The following TEX14 variants were observed in gnomAD, a reference collection of about 807,000 sequenced individuals.
The protein encoded by TEX14 is inactive serine/threonine-protein kinase TEX14.
TEX14 carries 168 observed loss-of-function variants against 178.6 expected under a neutral mutation model. The observed-to-expected ratio is 0.94, with a 90% CI of 0.83 to 1.07. The LOEUF (loss-of-function observed/expected upper bound fraction) is 1.07, where lower values mean the gene tolerates loss of function less well. Among genes scored for constraint, TEX14 ranks in the 50% least tolerant of loss-of-function variants. TEX14 has a pLI of 0.00. For missense variants in TEX14, 1,730 were observed against 1,753.6 expected (o/e 0.99, Z 0.24); for synonymous variants, 626 against 634.1 (o/e 0.99, Z 0.19).
chr17:58,684,497 C>T (rs1172018192), intron 1 of TEX14, among the ~76,000 whole-genome samples: 2 of 150,778 alleles, frequency 1.3e-5, no homozygotes, highest in South Asian at 4.2e-4. Context: ...ATTAGCCGGG[C>T]ATGGTGACAC....
chr17:58,563,618 AATTTAT>A (rs1567988547), intron 28 of TEX14, among the ~76,000 whole-genome samples: 1 of 53,434 alleles, frequency 1.9e-5, no homozygotes, highest in Non-Finnish European at 3.2e-5. Flanking sequence ...GCCCATCTCT[AATTTAT>A]ATATATATAT....
rs1787296473 is a variant in TEX14, at chr17:58,577,464, A to G, written c.3239-8T>C. The G allele has an allele frequency of 4.1e-6, 5 of 1,211,826 alleles. No individual in the cohort carries two copies. The highest frequency in any genetic ancestry group is 5.6e-6 in the Non-Finnish European group (5 of 886,586). 75.1% of individuals were successfully genotyped at this position (1,211,826 alleles called of 1,614,324 possible). On this transcript the variant is annotated splice_polypyrimidine_tract_variant and splice_region_variant and intron_variant, in intron 20 of 31. Transcript: ENST00000349033. ...TTTGGAACTTTTCCTCACCTGAAAG[A>G]ATAAAGTTAAAAATATATATATATA...
rs1265479625 is a variant in TEX14, at chr17:58,611,220, A to G, written c.1125T>C (p.Ala375=). 1.9e-6 allele frequency: 3 copies of G among 1,614,066 alleles called. No individual in the cohort carries two copies. In the South Asian group the frequency reaches 3.3e-5, roughly 18 times the overall value. The change falls in exon 10 of 32, where the codon GCT becomes GCC. Residue 375 remains alanine (A), a synonymous_variant. Transcript: ENST00000349033. Reference sequence around the variant, plus strand: ...CTTCACCTGGGGAGATGATATGGACAGCATAGGAGCTGAGGGAGCGGTGGA... The same window carrying G: ...CTTCACCTGGGGAGATGATATGGACGGCATAGGAGCTGAGGGAGCGGTGGA... The part of the protein sequence containing the change: ...GFIHRSLSSY[A]VHIISPGEAR...
intron 18 of TEX14, among the ~76,000 whole-genome samples, chr17:58,585,552 C>T (rs531722698): frequency 4.3e-4 from 66 of 152,044 alleles, no homozygotes; most frequent in African/African-American, 1.1e-3. Context: ...AGTGATCCTC[C>T]CACCTCAGCC....
chr17:58,659,829 T>TG (rs1041349400), intron 1 of TEX14, among the ~76,000 whole-genome samples: 6 of 151,846 alleles, frequency 4.0e-5, no homozygotes, highest in Non-Finnish European at 7.4e-5. Flanking sequence ...CCCGAGTAGC[T>TG]GGGATTACAA....
At chr17:58,688,719 G>C (rs1445759525) in intron 1 of TEX14, among the ~76,000 whole-genome samples, 2 of 152,014 alleles carry the variant, frequency 1.3e-5, no homozygotes, top group African/African-American at 4.8e-5. Flanking sequence ...GTGTGACTCC[G>C]CAGCCCATGC....
intron 28 of TEX14, among the ~76,000 whole-genome samples, chr17:58,563,618 AATTTATATATATATATAT>A (rs1278986972): frequency 1.4e-3 from 73 of 53,430 alleles, no homozygotes; most frequent in African/African-American, 6.0e-3. Context: ...GCCCATCTCT[AATTTATATATATATATAT>A]ATATATATAT....
chr17:58,681,152 T>C (rs1165466773), intron 1 of TEX14, among the ~76,000 whole-genome samples: 1 of 151,998 alleles, frequency 6.6e-6, no homozygotes, highest in Non-Finnish European at 1.5e-5. Context: ...GGTGGGCACC[T>C]GGGTACTCGG....
intron 1 of TEX14, among the ~76,000 whole-genome samples, chr17:58,665,396 T>G (rs1288513342): frequency 6.7e-6 from 1 of 150,076 alleles, no homozygotes; most frequent in Non-Finnish European, 1.5e-5. Flanking sequence ...AGGCCAGCAG[T>G]TGAAGATCAG....
At position 58,621,682 on chromosome 17, in the gene TEX14, G is replaced by A. The variant is rs200034027; in HGVS notation, c.522C>T (p.Tyr174=). ...CGAGGCCCCCACACCAGGACGGGCTGTAGACAAGCCGCTGCGGGGAGTCTA... is the reference window on the plus strand; with the variant it reads ...CGAGGCCCCCACACCAGGACGGGCTATAGACAAGCCGCTGCGGGGAGTCTA... ...KKIDSPQRLV[Y]SPSWCGGLVQ... Residue 174 remains tyrosine, a synonymous_variant, in exon 5 of 32, where the codon TAC becomes TAT. Coordinates refer to ENST00000349033, the MANE Select transcript of TEX14 (RefSeq NM_031272.5). 1.1e-3 allele frequency: 1,803 copies of A among 1,614,164 alleles called. 20 individuals carry two copies. In the South Asian group the frequency reaches 0.019, roughly 17 times the overall value.
At position 58,601,870 on chromosome 17, in the gene TEX14, T is replaced by C; in HGVS notation, c.1614A>G (p.Leu538=). Residue 538 remains leucine, a synonymous_variant, in exon 13 of 32, where the codon CTA becomes CTG. Coordinates refer to ENST00000349033, the MANE Select transcript of TEX14 (RefSeq NM_031272.5). ...YGLHPDVNVY[L]GLTSEHPRET... is the part of the protein sequence containing the mutation. Reference sequence around the variant, plus strand: ...CTCTGGGGTGTTCTGAAGTCAGTCCTAGATAGACATTGACATCGGGATGGA... The same window carrying C: ...CTCTGGGGTGTTCTGAAGTCAGTCCCAGATAGACATTGACATCGGGATGGA... 1 of 1,613,462 alleles carries C rather than the reference T, an allele frequency of 6.2e-7. No homozygotes were observed. The highest frequency in any genetic ancestry group is 8.5e-7 in the Non-Finnish European group (1 of 1,179,954).
At chr17:58,619,246 G>A (rs1350934636) in intron 5 of TEX14, among the ~76,000 whole-genome samples, 2 of 152,140 alleles carry the variant, frequency 1.3e-5, no homozygotes, top group East Asian at 3.9e-4. Flanking sequence ...TTCTCAAACA[G>A]TGACCTGGAC....
intron 10 of TEX14, among the ~76,000 whole-genome samples, chr17:58,606,769 T>C (rs1231700185): frequency 6.6e-6 from 1 of 150,720 alleles, no homozygotes; most frequent in African/African-American, 2.4e-5. Flanking sequence ...GGCTCATGCC[T>C]GTAATCCCAG....
At position 58,587,878 on chromosome 17, in the gene TEX14, G is replaced by A. The variant is rs542533637; in HGVS notation, c.2702+18C>T. 2 of 1,093,516 alleles carry A rather than the reference G, an allele frequency of 1.8e-6. No homozygotes were observed. The highest frequency in any genetic ancestry group is 2.5e-5 in the South Asian group (2 of 81,070). 67.7% of individuals were successfully genotyped at this position (1,093,516 alleles called of 1,614,324 possible). The stretch of plus-strand genomic sequence containing the variant: ...ACCCCCGCTCCACCACCAGTTTCCA[G>A]CCCACAAGGATCCTTACCTGGTAGA... On this transcript the variant is annotated intron_variant, in intron 16 of 31. Coordinates refer to ENST00000349033, the MANE Select transcript of TEX14 (RefSeq NM_031272.5).
chr17:58,644,727 C>T (rs983370142), intron 2 of TEX14, among the ~76,000 whole-genome samples: 9 of 149,748 alleles, frequency 6.0e-5, no homozygotes, highest in African/African-American at 1.7e-4. Context: ...CTGCAACCTC[C>T]GCCCCCCCTG....
chr17:58,573,367 T>C, intron 22 of TEX14, 59 bp from the exon 23 acceptor site: 2 of 1,541,870 alleles, frequency 1.3e-6, no homozygotes, highest in Non-Finnish European at 1.8e-6. Flanking sequence ...TCAAACAATA[T>C]ATTCCTGAGA....
chr17:58,662,412 ATC>A (rs200856008), intron 1 of TEX14, among the ~76,000 whole-genome samples: 126 of 96,894 alleles, frequency 1.3e-3, no homozygotes, highest in Middle Eastern at 6.5e-3. Context: ...TAGCACACAT[ATC>A]TCACACACAC....
chr17:58,578,330 G>A (rs921647719), intron 20 of TEX14, among the ~76,000 whole-genome samples: 1 of 152,082 alleles, frequency 6.6e-6, no homozygotes, highest in African/African-American at 2.4e-5. Context: ...AGAGCTTAGA[G>A]ACTTTAGAGT....
At chr17:58,634,314 G>A (rs1037054928) in intron 2 of TEX14, among the ~76,000 whole-genome samples, 1 of 152,160 alleles carries the variant, frequency 6.6e-6, no homozygotes, top group Non-Finnish European at 1.5e-5. Flanking sequence ...TCAGGAGGCC[G>A]AGGCAGGAGG....
Sources: allele counts gnomAD v4.1 joint callset (sites outside exome capture counted in the v4.1 genomes callset), GRCh38; gene constraint gnomAD v4.1.1; transcripts MANE v1.5; gene names NCBI Gene and HGNC (gene_info 2026-07-23, HGNC 2026-07-21).